PHF20: variants seen among roughly 807,000 people sequenced by gnomAD.
PHF20 encodes the protein PHD finger protein 20, also known as glioma-expressed antigen 2.
In PHF20, 23 loss-of-function variants were observed where a neutral mutation model predicts 113.5. That is an observed-to-expected ratio of 0.20 (90% CI 0.15 to 0.29). The LOEUF (loss-of-function observed/expected upper bound fraction) is 0.29, where lower values mean the gene tolerates loss of function less well. Among genes scored for constraint, PHF20 ranks in the 10% least tolerant of loss-of-function variants. The pLI, the probability that PHF20 is intolerant of heterozygous loss-of-function variation, is 1.00. For synonymous variants in PHF20, 434 were observed against 457.3 expected (o/e 0.95, Z 0.65); for missense variants, 943 against 1,219.6 (o/e 0.77, Z 3.38).
Position 35,948,131 on chromosome 20 carries a change from A to G in PHF20, c.*504A>G, listed in dbSNP as rs1390715486. 1.2e-5 allele frequency: 2 copies of G among 160,006 alleles called. No individual in the cohort carries two copies. Among genetic ancestry groups the G allele is most frequent in the African/African-American group, 2.4e-5 (1 of 41,532 alleles). 9.9% of individuals were successfully genotyped at this position (160,006 alleles called of 1,614,324 possible). A position where few individuals can be genotyped will look rare whatever the true frequency, so the allele number is the denominator to read the frequency against. ...AGCTCACCATGCTGTGGAGGTTGGG[A>G]AAGAGCAGAGTCTTGGCTGCCCTGC... is the stretch of plus-strand genomic sequence containing the variant. On this transcript the variant is annotated 3_prime_UTR_variant, in exon 18 of 18. Transcript: ENST00000374012.
intron 2 of PHF20, among the ~76,000 whole-genome samples, chr20:35,830,378 T>C (rs1365427303): frequency 6.6e-6 from 1 of 152,248 alleles, no homozygotes; most frequent in Non-Finnish European, 1.5e-5. Flanking sequence ...TTCAAGTGGC[T>C]TATTTCACTT....
chr20:35,946,648 T>TAAA (rs2056088439), intron 17 of PHF20, among the ~76,000 whole-genome samples: 1 of 149,200 alleles, frequency 6.7e-6, no homozygotes, highest in South Asian at 2.1e-4. Flanking sequence ...GAAAGCTTTT[T>TAAA]ATTTTTTATT....
chr20:35,853,997 G>T (rs986574957), intron 4 of PHF20, among the ~76,000 whole-genome samples: 2 of 151,778 alleles, frequency 1.3e-5, no homozygotes, highest in Admixed American at 6.6e-5. Flanking sequence ...CAAGTGATCC[G>T]CCCGCCTCCA....
chr20:35,807,277 T>G (rs1441129831), intron 2 of PHF20, among the ~76,000 whole-genome samples: 1 of 152,032 alleles, frequency 6.6e-6, no homozygotes, highest in African/African-American at 2.4e-5. Context: ...ATAACCTCCA[T>G]AAAGATTTTG....
intron 17 of PHF20, among the ~76,000 whole-genome samples, chr20:35,942,740 C>G (rs1234406250): frequency 6.6e-6 from 1 of 152,162 alleles, no homozygotes; most frequent in African/African-American, 2.4e-5. Flanking sequence ...GGTAAACAGA[C>G]TTTTGCATAG....
intron 17 of PHF20, among the ~76,000 whole-genome samples, chr20:35,946,784 A>G (rs1420860351): frequency 1.3e-5 from 2 of 151,602 alleles, no homozygotes; most frequent in Non-Finnish European, 2.9e-5. Flanking sequence ...ATCTCGGCTC[A>G]CTGCGACCTC....
At chr20:35,799,120 G>GTGCTCTGGCAT (rs1302289979) in intron 1 of PHF20, among the ~76,000 whole-genome samples, 3 of 152,064 alleles carry the variant, frequency 2.0e-5, no homozygotes, top group African/African-American at 7.2e-5. Context: ...TGCTCTGGCA[G>GTGCTCTGGCAT]TGCTCTGGCA....
At chr20:35,775,517 G>T (rs2041154835) in intron 1 of PHF20, among the ~76,000 whole-genome samples, 1 of 152,162 alleles carries the variant, frequency 6.6e-6, no homozygotes, top group South Asian at 2.1e-4. Flanking sequence ...AGCACTTTGG[G>T]AGCTGAGGCG....
chr20:35,924,852 C>T (rs147526812), intron 13 of PHF20, among the ~76,000 whole-genome samples: 47 of 152,224 alleles, frequency 3.1e-4, no homozygotes, highest in Non-Finnish European at 5.1e-4. Context: ...CCTCCCGCCT[C>T]GGCCTCCCAA....
intron 14 of PHF20, among the ~76,000 whole-genome samples, chr20:35,929,874 T>G (rs1165228949): frequency 6.6e-6 from 1 of 152,226 alleles, no homozygotes; most frequent in Non-Finnish European, 1.5e-5. Flanking sequence ...TAAAAATAGT[T>G]TTAACAGAAT....
At chr20:35,791,995 C>T (rs1211207433) in intron 1 of PHF20, among the ~76,000 whole-genome samples, 2 of 152,166 alleles carry the variant, frequency 1.3e-5, no homozygotes, top group African/African-American at 4.8e-5. Flanking sequence ...AACCCTGGCA[C>T]AGGCCCTTTC....
At chr20:35,937,366 GCTGAGGAGGGAGAATCGCT>G (rs568088069) in intron 15 of PHF20, among the ~76,000 whole-genome samples, 191 of 152,134 alleles carry the variant, frequency 1.3e-3, no homozygotes, top group African/African-American at 4.3e-3. Flanking sequence ...CACTTGGGAG[GCTGAGGAGGGAGAATCGCT>G]TGAACCTGGG....
Position 35,847,114 on chromosome 20 carries a change from C to T in PHF20, c.256-236C>T, listed in dbSNP as rs570470364. ...CCATGACCCAAACACCTCTCATAGG[C>T]CCCATTTTCAACACTGCTGCACTGA... On this transcript the variant is annotated intron_variant, in intron 3 of 17. Coordinates refer to ENST00000374012, the MANE Select transcript of PHF20 (RefSeq NM_016436.5). 3.9e-5 allele frequency among the ~76,000 whole-genome samples: 6 copies of T among 152,242 alleles called. 1 individual carries two copies. The South Asian group carries it at 1.2e-3, about 32-fold the overall frequency.
At chr20:35,896,847 A>G (rs967122741) in intron 9 of PHF20, among the ~76,000 whole-genome samples, 11 of 148,044 alleles carry the variant, frequency 7.4e-5, no homozygotes, top group Non-Finnish European at 1.0e-4. Flanking sequence ...ACTTTTTGTC[A>G]TTGGTGCCTG....
intron 10 of PHF20, among the ~76,000 whole-genome samples, chr20:35,903,155 G>A (rs920324122): frequency 2.3e-5 from 3 of 132,226 alleles, no homozygotes; most frequent in African/African-American, 9.1e-5. Flanking sequence ...ATACTGACCT[G>A]GGATTTTATT....
intron 16 of PHF20, among the ~76,000 whole-genome samples, chr20:35,940,355 C>T (rs1481591103): frequency 6.6e-6 from 1 of 152,040 alleles, no homozygotes; most frequent in African/African-American, 2.4e-5. Flanking sequence ...TGACTGTAAG[C>T]TGGCCTTGCT....
intron 9 of PHF20, among the ~76,000 whole-genome samples, chr20:35,876,292 C>T (rs1034589650): frequency 2.0e-5 from 3 of 151,972 alleles, no homozygotes; most frequent in South Asian, 2.1e-4. Flanking sequence ...AAGAGATGGC[C>T]GGGCCTGGTG....
chr20:35,871,143 G>A lies in PHF20; in HGVS notation c.1102+9G>A, dbSNP rs1015317704. The A allele has an allele frequency of 4.4e-6, 7 of 1,604,644 alleles. No homozygotes were observed. The Admixed American group carries it at 7.0e-5, about 16-fold the overall frequency. On this transcript the variant is annotated intron_variant, in intron 8 of 17. Transcript: ENST00000374012. ...CAAGGAATCTGAAGAAGGTGAGTCA[G>A]TCTGTTCAGGAATTGTCTTGCCAAC...
chr20:35,920,341 A>T (rs2055488578), intron 13 of PHF20, among the ~76,000 whole-genome samples: 1 of 152,120 alleles, frequency 6.6e-6, no homozygotes, highest in African/African-American at 2.4e-5. Context: ...CATGCTATGG[A>T]TGTACCACAG....
Sources: allele counts gnomAD v4.1 joint callset (sites outside exome capture counted in the v4.1 genomes callset), GRCh38; gene constraint gnomAD v4.1.1; transcripts MANE v1.5; gene names NCBI Gene and HGNC (gene_info 2026-07-23, HGNC 2026-07-21).